CALN1: variants seen among roughly 807,000 people sequenced by gnomAD.
CALN1 encodes the protein calcium-binding protein 8.
CALN1 carries 17 observed loss-of-function variants against 30.6 expected under a neutral mutation model. The ratio of observed to expected loss-of-function variants is 0.56; its 90% CI spans 0.38 to 0.83. The LOEUF is 0.83. Among genes scored for constraint, CALN1 ranks in the 40% least tolerant of loss-of-function variants. The probability of loss-of-function intolerance (pLI) is 0.00; values close to 1 mark genes in which losing one functional copy is unlikely to be tolerated. For synonymous variants in CALN1, 156 were observed against 131.4 expected (o/e 1.19, Z -1.28); for missense variants, 291 against 354.9 (o/e 0.82, Z 1.45).
chr7:72,086,852 T>C (rs985130479), intron 4 of CALN1, among the ~76,000 whole-genome samples: 3 of 152,186 alleles, frequency 2.0e-5, no homozygotes, highest in Admixed American at 6.6e-5. Flanking sequence ...CCATGAACTG[T>C]AGCAGTTTTT....
At chr7:72,051,393 GATT>G (rs1223432123) in intron 4 of CALN1, among the ~76,000 whole-genome samples, 1 of 151,892 alleles carries the variant, frequency 6.6e-6, no homozygotes, top group African/African-American at 2.4e-5. Flanking sequence ...TATTAAAAAA[GATT>G]ATTACAGATT....
intron 4 of CALN1, among the ~76,000 whole-genome samples, chr7:72,101,477 G>A (rs1806663324): frequency 6.6e-6 from 1 of 152,212 alleles, no homozygotes; most frequent in Non-Finnish European, 1.5e-5. Flanking sequence ...CGTCAAATCA[G>A]GCCTACAAAG....
chr7:72,225,098 T>C (rs949561688), intron 3 of CALN1, among the ~76,000 whole-genome samples: 3 of 147,126 alleles, frequency 2.0e-5, no homozygotes, highest in African/African-American at 7.5e-5. Flanking sequence ...CGAGACTCCA[T>C]CTCAAAAAAA....
intron 5 of CALN1, among the ~76,000 whole-genome samples, chr7:71,997,899 C>A (rs1046328513): frequency 4.6e-5 from 7 of 152,062 alleles, no homozygotes; most frequent in African/African-American, 1.2e-4. Context: ...CAGCTCACTG[C>A]AAACTCTGCC....
upstream of CALN1, among the ~76,000 whole-genome samples, chr7:72,413,073 C>T (rs117420023): frequency 4.5e-4 from 69 of 152,250 alleles, no homozygotes; most frequent in East Asian, 8.9e-3. Flanking sequence ...CACTGATGGA[C>T]GCCCTGGCAG....
At chr7:71,920,601 C>T (rs1794894997) in intron 5 of CALN1, among the ~76,000 whole-genome samples, 1 of 152,086 alleles carries the variant, frequency 6.6e-6, no homozygotes, top group African/African-American at 2.4e-5. Context: ...TCCCAAAGTA[C>T]TGGGATTACA....
At chr7:72,465,095 A>G in the CALN1 span, among the ~76,000 whole-genome samples, 1 of 152,142 alleles carries the variant, frequency 6.6e-6, no homozygotes. Context: ...GCACAGGACG[A>G]TATCTCAGAT....
At chr7:71,837,629 C>A (rs1036684324) in intron 5 of CALN1, among the ~76,000 whole-genome samples, 8 of 152,056 alleles carry the variant, frequency 5.3e-5, no homozygotes, top group African/African-American at 1.9e-4. Context: ...TATCACCCTT[C>A]CTAAAGAAAT....
intron 3 of CALN1, among the ~76,000 whole-genome samples, chr7:72,206,038 C>T (rs1314040968): frequency 1.3e-5 from 2 of 152,312 alleles, no homozygotes; most frequent in East Asian, 3.9e-4. Context: ...AGCAGCACCA[C>T]TTTTCATTAT....
intron 5 of CALN1, among the ~76,000 whole-genome samples, chr7:71,928,839 C>A (rs980993049): frequency 2.6e-5 from 4 of 151,492 alleles, no homozygotes; most frequent in Non-Finnish European, 4.4e-5. Context: ...CCAGACCAGC[C>A]AACGTGGCGA....
chr7:72,349,140 G>C (rs991478227), intron 2 of CALN1, among the ~76,000 whole-genome samples: 1 of 152,146 alleles, frequency 6.6e-6, no homozygotes, highest in Admixed American at 6.5e-5. Context: ...TGAAAAAATA[G>C]AAACTGAAGC....
chr7:72,437,073 CA>C (rs5884890), intron 1 of CALN1, among the ~76,000 whole-genome samples: 28,233 of 138,194 alleles, frequency 0.2, 2,779 homozygotes, highest in Non-Finnish European at 0.24. Flanking sequence ...GACCCTGTCT[CA>C]AAAAAAAAAA....
intron 5 of CALN1, among the ~76,000 whole-genome samples, chr7:71,920,247 G>A (rs1794871147): frequency 6.6e-6 from 1 of 151,868 alleles, no homozygotes; most frequent in Admixed American, 6.6e-5. Context: ...GTTTATGAAG[G>A]CACAGGCTTC....
intron 2 of CALN1, among the ~76,000 whole-genome samples, chr7:72,322,629 G>C (rs900057996): frequency 6.6e-6 from 1 of 152,020 alleles, no homozygotes; most frequent in Admixed American, 6.6e-5. Context: ...AACTCATAGA[G>C]ATAGAGAGTA....
chr7:72,048,498 T>C (rs919420521), intron 4 of CALN1, among the ~76,000 whole-genome samples: 4 of 152,210 alleles, frequency 2.6e-5, no homozygotes, highest in African/African-American at 9.6e-5. Flanking sequence ...GAAGCCATTG[T>C]GTAATGGAAA....
intron 3 of CALN1, among the ~76,000 whole-genome samples, chr7:72,231,665 A>G (rs113483904): frequency 2.6e-5 from 4 of 152,314 alleles, no homozygotes; most frequent in African/African-American, 7.2e-5. Flanking sequence ...TGCCTAATTT[A>G]TAAATGAAAC....
At chr7:71,910,650 TATGTAA>T (rs1794378852) in intron 5 of CALN1, among the ~76,000 whole-genome samples, 1 of 152,104 alleles carries the variant, frequency 6.6e-6, no homozygotes, top group African/African-American at 2.4e-5. Context: ...TGAGTAGAGT[TATGTAA>T]GAACAGAGAA....
chr7:72,007,111 T>C (rs755431691), intron 5 of CALN1, among the ~76,000 whole-genome samples: 2 of 152,172 alleles, frequency 1.3e-5, no homozygotes, highest in African/African-American at 2.4e-5. Flanking sequence ...TTTTTAAAAT[T>C]CTTGGACCAG....
intron 5 of CALN1, among the ~76,000 whole-genome samples, chr7:71,939,211 G>A (rs1328734764): frequency 3.3e-5 from 5 of 152,162 alleles, no homozygotes; most frequent in East Asian, 3.9e-4. Flanking sequence ...TACTTATTCC[G>A]TGTTTAACAT....
Sources: gnomAD v4.1 joint callset for allele counts (sites outside exome capture counted in the v4.1 genomes callset) on GRCh38, gnomAD v4.1.1 for gene constraint, MANE v1.5 for transcripts, NCBI Gene and HGNC (gene_info 2026-07-23, HGNC 2026-07-21) for gene names.